The following SLIT3 variants were observed in gnomAD, a reference collection of about 807,000 sequenced individuals.
The protein encoded by SLIT3 is slit homolog 3 protein.
SLIT3 carries 68 observed loss-of-function variants against 184.0 expected under a neutral mutation model. The observed-to-expected ratio is 0.37, with a 90% confidence interval of 0.30 to 0.45. The LOEUF is 0.45. Ranked by LOEUF, SLIT3 falls within the 20% of genes least tolerant of loss-of-function variation. The pLI, the probability that SLIT3 is intolerant of heterozygous loss-of-function variation, is 1.00. For missense variants in SLIT3, 1,707 were observed against 2,026.0 expected, an observed-to-expected ratio of 0.84 and a Z score of 3.02; for synonymous variants, 831 against 828.6, an observed-to-expected ratio of 1.00 and a Z score of -0.05.
intron 4 of SLIT3, among the ~76,000 whole-genome samples, chr5:169,153,358 A>G (rs140004706): frequency 6.6e-6 from 1 of 152,016 alleles, no homozygotes; most frequent in African/African-American, 2.4e-5. Flanking sequence ...TGCACTCTTC[A>G]GGCTTCACAC....
In SLIT3 at chr5:169,219,430, G is replaced by T. The variant is rs932954051; in HGVS notation, c.341+25275C>A. 5.9e-5 allele frequency among the ~76,000 whole-genome samples: 9 copies of T among 152,338 alleles called. No homozygotes were observed. In the South Asian group the frequency reaches 1.2e-3, roughly 21 times the overall value. On this transcript the variant is annotated intron_variant, in intron 3 of 35. Coordinates refer to ENST00000519560, the MANE Select transcript of SLIT3 (RefSeq NM_003062.4). ...CTGAAGCTCGGAAAACTGAAGTTAC[G>T]TGTCATACAACTCATCACACTACTG...
At chr5:168,817,130 G>C (rs1459314502) in intron 8 of SLIT3, among the ~76,000 whole-genome samples, 170 bp downstream of exon 8, 1 of 152,132 alleles carries the variant, frequency 6.6e-6, no homozygotes, top group Admixed American at 6.5e-5. Flanking sequence ...AACCCTTTGA[G>C]GCACGTCACA....
At chr5:168,991,892 G>A (rs1368777304) in intron 4 of SLIT3, among the ~76,000 whole-genome samples, 5 of 152,212 alleles carry the variant, frequency 3.3e-5, no homozygotes, top group Non-Finnish European at 7.3e-5. Flanking sequence ...GCCTGGGGTG[G>A]GGAGCTGGGG....
At chr5:169,223,530 T>C (rs540670551) in intron 3 of SLIT3, among the ~76,000 whole-genome samples, 3 of 152,280 alleles carry the variant, frequency 2.0e-5, no homozygotes, top group Non-Finnish European at 2.9e-5. Context: ...TCCTACCTGA[T>C]GGGATTTAGC....
chr5:168,696,197 G>A lies in SLIT3; in HGVS notation c.3082+95C>T. ...CTTGGGGTCTTAGTCTCTGTCCTCA[G>A]GGAGAGAGGAAGAGAGTCCCTGGAG... On this transcript the variant is annotated intron_variant, in intron 28 of 35. Transcript: ENST00000519560. 5 of 1,442,316 alleles carry A rather than the reference G, an allele frequency of 3.5e-6. No individual in the cohort carries two copies. In the South Asian group the frequency reaches 4.8e-5, roughly 14 times the overall value. The allele number at this position is 1,442,316 out of a possible 1,614,324, so 89.3% of individuals were successfully genotyped here. A position where few individuals can be genotyped will look rare whatever the true frequency, so the allele number is the denominator to read the frequency against.
intron 8 of SLIT3, among the ~76,000 whole-genome samples, chr5:168,812,320 G>A (rs941707453): frequency 6.6e-6 from 1 of 152,146 alleles, no homozygotes; most frequent in Non-Finnish European, 1.5e-5. Flanking sequence ...ACAATATTGT[G>A]TTGCATATTT....
intron 31 of SLIT3, among the ~76,000 whole-genome samples, chr5:168,684,505 C>T (rs1376299474): frequency 6.6e-6 from 1 of 152,136 alleles, no homozygotes; most frequent in African/African-American, 2.4e-5. Flanking sequence ...TAGGCAGAAT[C>T]TTGGCCCAGG....
chr5:169,151,646 G>A (rs1280447942), intron 4 of SLIT3, among the ~76,000 whole-genome samples: 1 of 152,216 alleles, frequency 6.6e-6, no homozygotes. Flanking sequence ...TTAGTGAGAT[G>A]ACTTGGCCAT....
At chr5:169,246,593 C>A (rs1765600861) in intron 2 of SLIT3, among the ~76,000 whole-genome samples, 1 of 152,144 alleles carries the variant, frequency 6.6e-6, no homozygotes, top group African/African-American at 2.4e-5. Context: ...ATAAGTAAAT[C>A]ATCTAGCCCA....
At chr5:168,901,690 C>A (rs749997870) in intron 4 of SLIT3, among the ~76,000 whole-genome samples, 47 of 152,158 alleles carry the variant, frequency 3.1e-4, no homozygotes, top group Non-Finnish European at 5.7e-4. Flanking sequence ...AGTCATATAG[C>A]CTAAAGCAAG....
chr5:169,055,832 AG>A (rs1338552495), intron 4 of SLIT3, among the ~76,000 whole-genome samples: 2 of 137,820 alleles, frequency 1.5e-5, no homozygotes, highest in African/African-American at 6.0e-5. Context: ...TCTGTCTCGG[AG>A]GAAAAAAAAA....
At chr5:169,077,866 C>T (rs1581381966) in intron 4 of SLIT3, among the ~76,000 whole-genome samples, 2 of 149,784 alleles carry the variant, frequency 1.3e-5, no homozygotes, top group East Asian at 2.0e-4. Context: ...AAAAAAGTGT[C>T]ATTGTAAAAA....
intron 32 of SLIT3, among the ~76,000 whole-genome samples, chr5:168,680,205 G>T (rs1761542246): frequency 6.6e-6 from 1 of 152,180 alleles, no homozygotes; most frequent in Non-Finnish European, 1.5e-5. Flanking sequence ...TGTTACCTAT[G>T]TGGCCATTTG....
At chr5:168,761,888 G>A (rs979512901) in intron 15 of SLIT3, among the ~76,000 whole-genome samples, 7 of 149,354 alleles carry the variant, frequency 4.7e-5, no homozygotes, top group African/African-American at 1.2e-4. Flanking sequence ...ACAGGTGCAT[G>A]CCACTATCAT....
chr5:169,091,834 C>T (rs1759596454), intron 4 of SLIT3, among the ~76,000 whole-genome samples: 1 of 152,198 alleles, frequency 6.6e-6, no homozygotes, highest in Admixed American at 6.5e-5. Flanking sequence ...TCACAGATGG[C>T]ATGGGCTGGG....
chr5:168,762,501 G>C (rs748643047), intron 15 of SLIT3, 38 bp downstream of exon 15: 1 of 1,596,926 alleles, frequency 6.3e-7, no homozygotes. Flanking sequence ...ACTGGCGTGT[G>C]GGGAGGAGTA....
At chr5:168,893,051 G>T (rs11134544) in intron 4 of SLIT3, among the ~76,000 whole-genome samples, 51,372 of 152,066 alleles carry the variant, frequency 0.34, 9,433 homozygotes, top group East Asian at 0.6. Flanking sequence ...ACTTCAGGGG[G>T]TACAACTGCG....
chr5:168,734,833 T>C (rs965326900), intron 20 of SLIT3, among the ~76,000 whole-genome samples: 5 of 152,160 alleles, frequency 3.3e-5, no homozygotes, highest in African/African-American at 7.2e-5. Flanking sequence ...GGAAACGTCA[T>C]CTGTGTGATG....
chr5:168,700,488 C>T lies in SLIT3; in HGVS notation c.2942+94G>A. ...GCTGAACTGTGAGTCCTTTAAACTTCTTTCCTTTATAAATTACCCAGTCTT... is the reference window on the plus strand; with the variant it reads ...GCTGAACTGTGAGTCCTTTAAACTTTTTTCCTTTATAAATTACCCAGTCTT... On this transcript the variant is annotated intron_variant, in intron 27 of 35. Coordinates refer to ENST00000519560, the MANE Select transcript of SLIT3 (RefSeq NM_003062.4). The T allele has an allele frequency of 6.7e-6, 6 of 902,216 alleles. No homozygotes were observed. The South Asian group carries it at 8.6e-5, about 13-fold the overall frequency. The allele number at this position is 902,216 out of a possible 1,614,324, so 55.9% of individuals were successfully genotyped here. A position where few individuals can be genotyped will look rare whatever the true frequency, so the allele number is the denominator to read the frequency against.
Sources: gnomAD v4.1 joint callset for allele counts (sites outside exome capture counted in the v4.1 genomes callset) on GRCh38, gnomAD v4.1.1 for gene constraint, MANE v1.5 for transcripts, NCBI Gene and HGNC (gene_info 2026-07-23, HGNC 2026-07-21) for gene names.